Variants in ASXL3 observed in about 807,000 individuals in gnomAD.
ASXL3 encodes ASXL transcriptional regulator 3.
Under a neutral mutation model 170.6 loss-of-function variants are expected in ASXL3, and 34 were observed. The ratio of observed to expected loss-of-function variants is 0.20; its 90% CI spans 0.15 to 0.27. ASXL3 has a LOEUF of 0.27. ASXL3 is among the 10% of genes least tolerant of loss of function. The pLI, the probability that ASXL3 is intolerant of heterozygous loss-of-function variation, is 1.00. For missense variants in ASXL3, 2,592 were observed against 2,695.3 expected, an observed-to-expected ratio of 0.96 and a Z score of 0.85; for synonymous variants, 1,002 against 989.1, an observed-to-expected ratio of 1.01 and a Z score of -0.24.
chr18:33,582,736 G>GTT (rs1201764276), intron 1 of ASXL3, among the ~76,000 whole-genome samples: 201 of 131,332 alleles, frequency 1.5e-3, no homozygotes, highest in African/African-American at 5.2e-3. Context: ...GTGTGTGTGT[G>GTT]TGTGTTTTCT....
chr18:33,736,179 C>T (rs555754609), intron 10 of ASXL3, among the ~76,000 whole-genome samples: 29 of 152,220 alleles, frequency 1.9e-4, no homozygotes, highest in Admixed American at 4.6e-4. Flanking sequence ...GAAAAATTCA[C>T]ATACATGCAC....
At chr18:33,714,258 G>C (rs939483246) in intron 8 of ASXL3, among the ~76,000 whole-genome samples, 1 of 152,046 alleles carries the variant, frequency 6.6e-6, no homozygotes. Flanking sequence ...GTTGCTTTGC[G>C]TCTCAACAAT....
Position 33,578,581 on chromosome 18 carries a change from A to T in ASXL3, c.-51A>T. On this transcript the variant is annotated 5_prime_UTR_variant, in exon 1 of 12. Coordinates refer to ENST00000269197, the MANE Select transcript of ASXL3 (RefSeq NM_030632.3). Reference sequence around the variant, plus strand: ...TTGTCTCCGCGCCCGAACCCCGAGCACCCCGTGGAATCCCCCACGTCATCA... The same window carrying T: ...TTGTCTCCGCGCCCGAACCCCGAGCTCCCCGTGGAATCCCCCACGTCATCA... 1 of 1,174,146 alleles carries T rather than the reference A, an allele frequency of 8.5e-7. No homozygotes were observed. Among genetic ancestry groups the T allele is most frequent in the Non-Finnish European group, 1.1e-6 (1 of 908,396 alleles). The allele number at this position is 1,174,146 out of a possible 1,614,324, so 72.7% of individuals were successfully genotyped here.
At chr18:33,676,336 G>C (rs1390878954) in intron 7 of ASXL3, among the ~76,000 whole-genome samples, 1 of 151,880 alleles carries the variant, frequency 6.6e-6, no homozygotes, top group Non-Finnish European at 1.5e-5. Flanking sequence ...TGTTGATGTA[G>C]GGTTTTTCTT....
intron 7 of ASXL3, among the ~76,000 whole-genome samples, chr18:33,674,938 A>G (rs950256053): frequency 1.3e-5 from 2 of 152,066 alleles, no homozygotes; most frequent in Non-Finnish European, 2.9e-5. Flanking sequence ...TTTTTAGACA[A>G]TGATGTTTTT....
chr18:33,602,316 C>A (rs1416389597), intron 1 of ASXL3, among the ~76,000 whole-genome samples: 9 of 151,988 alleles, frequency 5.9e-5, no homozygotes, highest in Non-Finnish European at 1.3e-4. Context: ...ATAATTTTAC[C>A]ATAAAGTACA....
At chr18:33,590,943 G>A (rs2065071771) in intron 1 of ASXL3, among the ~76,000 whole-genome samples, 1 of 152,144 alleles carries the variant, frequency 6.6e-6, no homozygotes, top group East Asian at 1.9e-4. Flanking sequence ...CTGGATGAAA[G>A]TAAATATTTT....
intron 6 of ASXL3, among the ~76,000 whole-genome samples, 164 bp downstream of exon 6, chr18:33,670,954 A>G (rs971186689): frequency 2.0e-5 from 3 of 152,278 alleles, no homozygotes; most frequent in Non-Finnish European, 4.4e-5. Context: ...AATATAGACT[A>G]TTTCCAGTTC....
In ASXL3 at chr18:33,613,378, A is replaced by AT. The variant is rs542509578; in HGVS notation, c.137+5709dup. Among the ~76,000 whole-genome samples, 421 of 151,812 alleles carry AT rather than the reference A, an allele frequency of 2.8e-3. 3 individuals are homozygous for AT. Among genetic ancestry groups the AT allele is most frequent in the Non-Finnish European group, 4.3e-3 (291 of 67,930 alleles). ...GTCTTCCTTCCCCCTTTACAAATCTATTTTTTTCCTCAAAACCGACTGCAG... is the reference window on the plus strand; with the variant it reads ...GTCTTCCTTCCCCCTTTACAAATCTATTTTTTTTCCTCAAAACCGACTGCAG... On this transcript the variant is annotated intron_variant, in intron 2 of 11. Transcript: ENST00000269197.
At chr18:33,608,296 T>A (rs1373236899) in intron 2 of ASXL3, among the ~76,000 whole-genome samples, 2 of 151,998 alleles carry the variant, frequency 1.3e-5, no homozygotes, top group African/African-American at 4.8e-5. Context: ...CCAACTACTC[T>A]TGCCTGTGGC....
rs536927113 is a variant in ASXL3 at position 33,699,960 on chromosome 18, A to G, written c.879+16392A>G. ...TAATTTTATCTCCTTTATAATTAGC[A>G]TACTTTTTGAGAACCATTTCATTTA... On this transcript the variant is annotated intron_variant, in intron 8 of 11. Coordinates refer to ENST00000269197, the MANE Select transcript of ASXL3 (RefSeq NM_030632.3). Among the ~76,000 whole-genome samples, 10 of 152,176 alleles carry G rather than the reference A, an allele frequency of 6.6e-5. No homozygotes were observed. In the East Asian group the frequency reaches 1.7e-3, roughly 27 times the overall value.
intron 4 of ASXL3, among the ~76,000 whole-genome samples, chr18:33,652,228 A>G (rs1380065013): frequency 6.6e-6 from 1 of 152,046 alleles, no homozygotes; most frequent in Admixed American, 6.6e-5. Flanking sequence ...TTTTCTGAGC[A>G]TAATACATTG....
At position 33,740,103 on chromosome 18, in the gene ASXL3, C is replaced by T; in HGVS notation, c.2699C>T (p.Ala900Val). The change falls in exon 11 of 12, where the codon GCT becomes GTT. Residue 900 changes from alanine (A) to valine (V), a missense_variant. Physicochemically the swap from Ala to Val is moderately conservative, Grantham distance 64 (BLOSUM62 0). This residue lies in a region of ASXL3 where 2,246 missense variants were observed against 2,219.6 expected (regional missense o/e 1.01). Coordinates refer to ENST00000269197, the MANE Select transcript of ASXL3 (RefSeq NM_030632.3). ...AATAAGGGAAATGAGCTTCCATCTGCTAAATTACAGGACAAGCAATATATC... is the reference window on the plus strand; with the variant it reads ...AATAAGGGAAATGAGCTTCCATCTGTTAAATTACAGGACAAGCAATATATC... The part of the protein sequence containing the change: ...TDNKGNELPS[A>V]KLQDKQYISS... 6.2e-7 allele frequency: 1 copy of T among 1,613,912 alleles called. No individual in the cohort carries two copies. Among genetic ancestry groups the T allele is most frequent in the Non-Finnish European group, 8.5e-7 (1 of 1,179,858 alleles).
At position 33,713,229 on chromosome 18, in the gene ASXL3, G is replaced by GTTTTTTTTTTTTTTTTTT. The variant is rs1478922106; in HGVS notation, c.880-18731_880-18730insTTTTTTTTTTTTTTTTTT. 1.8e-4 allele frequency among the ~76,000 whole-genome samples: 15 copies of GTTTTTTTTTTTTTTTTTT among 81,770 alleles called. 4 individuals carry two copies. Among genetic ancestry groups the GTTTTTTTTTTTTTTTTTT allele is most frequent in the African/African-American group, 2.5e-4 (4 of 16,048 alleles). 53.6% of individuals were successfully genotyped at this position (81,770 alleles called of 152,430 possible). On this transcript the variant is annotated intron_variant, in intron 8 of 11. Transcript: ENST00000269197. ...GCAGTTAGCAATCTACCACAAGAAG[G>GTTTTTTTTTTTTTTTTTT]TTTTTTTTGTTTTGTTTTGTTTTTT...
At chr18:33,595,441 A>C (rs773446193) in intron 1 of ASXL3, among the ~76,000 whole-genome samples, 8 of 152,218 alleles carry the variant, frequency 5.3e-5, no homozygotes, top group Non-Finnish European at 8.8e-5. Flanking sequence ...TCTTTTTAAA[A>C]TATCCTATGA....
rs1368029950 is a variant in ASXL3, at chr18:33,611,739, T to C, written c.137+4063T>C. 4.6e-5 allele frequency among the ~76,000 whole-genome samples: 7 copies of C among 152,056 alleles called. No individual in the cohort carries two copies. The East Asian group carries it at 1.4e-3, about 29-fold the overall frequency. The stretch of plus-strand genomic sequence containing the variant: ...TGTTCTTGTCTGCAGTAAGTGAAAG[T>C]ATTCATTTAGAAGAGAGGAGTACGT... On this transcript the variant is annotated intron_variant, in intron 2 of 11. Transcript: ENST00000269197.
chr18:33,679,056 A>G (rs2066474842), intron 7 of ASXL3, among the ~76,000 whole-genome samples: 2 of 150,980 alleles, frequency 1.3e-5, no homozygotes, highest in Admixed American at 6.6e-5. Context: ...CATTGCTCAT[A>G]ACATGTTTCG....
At chr18:33,692,666 G>T (rs986737535) in intron 8 of ASXL3, among the ~76,000 whole-genome samples, 7 of 152,078 alleles carry the variant, frequency 4.6e-5, no homozygotes, top group Admixed American at 3.9e-4. Context: ...TGGAATAATG[G>T]CCTCAGGACA....
At chr18:33,652,658 A>T (rs943230277) in intron 4 of ASXL3, among the ~76,000 whole-genome samples, 3 of 150,110 alleles carry the variant, frequency 2.0e-5, no homozygotes, top group African/African-American at 4.9e-5. Flanking sequence ...CCCAGGGCAA[A>T]TAATGATTCC....
Sources: allele counts gnomAD v4.1 joint callset (sites outside exome capture counted in the v4.1 genomes callset), GRCh38; gene constraint gnomAD v4.1.1; regional missense constraint gnomAD v4.1.1; transcripts MANE v1.5; gene names NCBI Gene and HGNC (gene_info 2026-07-23, HGNC 2026-07-21).